SV2C: variants seen among roughly 807,000 people sequenced by gnomAD.
SV2C encodes the protein synaptic vesicle glycoprotein 2C.
SV2C carries 49 observed loss-of-function variants against 79.7 expected under a neutral mutation model. That is an observed-to-expected ratio of 0.61 (90% CI 0.49 to 0.78). SV2C has a LOEUF of 0.78. Among genes scored for constraint, SV2C ranks in the 30% least tolerant of loss-of-function variants. The pLI is 0.00. For missense variants in SV2C, 833 were observed against 912.9 expected (o/e 0.91, Z 1.13); for synonymous variants, 334 against 333.2 (o/e 1.00, Z -0.03).
At chr5:76,177,516 A>G (rs568628955) in intron 2 of SV2C, among the ~76,000 whole-genome samples, 17 of 152,366 alleles carry the variant, frequency 1.1e-4, no homozygotes, top group Admixed American at 2.0e-4. Flanking sequence ...ATACTATAAT[A>G]AAAGTTACCT....
At chr5:76,002,863 G>A in the SV2C span, among the ~76,000 whole-genome samples, 6 of 117,610 alleles carry the variant, frequency 5.1e-5, no homozygotes, top group South Asian at 9.2e-4. Context: ...ACTTCTGTGC[G>A]TGTGTTTTTT....
chr5:76,125,416 T>TAA (rs920751086), intron 1 of SV2C, among the ~76,000 whole-genome samples: 1 of 152,172 alleles, frequency 6.6e-6, no homozygotes, highest in African/African-American at 2.4e-5. Flanking sequence ...CATTAGAATT[T>TAA]AAAGGATTTT....
chr5:76,090,255 A>G (rs908026544), intron 1 of SV2C, among the ~76,000 whole-genome samples: 2 of 152,208 alleles, frequency 1.3e-5, no homozygotes, highest in East Asian at 1.9e-4. Context: ...GTGTTCTGCT[A>G]TCACCTCTTG....
intron 4 of SV2C, among the ~76,000 whole-genome samples, chr5:76,247,621 T>A (rs1449062220): frequency 6.6e-6 from 1 of 152,240 alleles, no homozygotes; most frequent in African/African-American, 2.4e-5. Context: ...CAGGAGCGAA[T>A]ATCAAATGCC....
the SV2C span, among the ~76,000 whole-genome samples, chr5:76,006,661 A>C: frequency 6.6e-6 from 1 of 152,022 alleles, no homozygotes; most frequent in Non-Finnish European, 1.5e-5. Context: ...CCTTACCTCC[A>C]ATTTCCTGGA....
chr5:76,035,804 TG>T, the SV2C span, among the ~76,000 whole-genome samples: 1 of 152,090 alleles, frequency 6.6e-6, no homozygotes, highest in Non-Finnish European at 1.5e-5. Context: ...GTATCCTTGT[TG>T]ACTTTCTGTC....
chr5:76,074,054 T>C, the SV2C span, among the ~76,000 whole-genome samples: 3 of 152,172 alleles, frequency 2.0e-5, no homozygotes, highest in Non-Finnish European at 4.4e-5. Context: ...AGGGCAGAGA[T>C]GGGTCAAACC....
chr5:76,237,686 A>G (rs1050615728), intron 4 of SV2C, among the ~76,000 whole-genome samples: 8 of 152,088 alleles, frequency 5.3e-5, no homozygotes, highest in African/African-American at 1.9e-4. Flanking sequence ...TACTATATTG[A>G]TAGTATGGCT....
At chr5:75,922,192 A>G in the SV2C span, among the ~76,000 whole-genome samples, 1 of 152,156 alleles carries the variant, frequency 6.6e-6, no homozygotes, top group African/African-American at 2.4e-5. Flanking sequence ...GAATTTAAGG[A>G]GGACCAAATA....
the SV2C span, among the ~76,000 whole-genome samples, chr5:75,895,941 A>G: frequency 6.6e-6 from 1 of 152,162 alleles, no homozygotes; most frequent in Non-Finnish European, 1.5e-5. Context: ...TTATAAAGAT[A>G]GAACTGTTAT....
At chr5:76,070,706 C>A in the SV2C span, among the ~76,000 whole-genome samples, 1 of 152,206 alleles carries the variant, frequency 6.6e-6, no homozygotes, top group Non-Finnish European at 1.5e-5. Context: ...ATGAACACTG[C>A]GCTCTATGCT....
At chr5:75,861,015 C>T in the SV2C span, among the ~76,000 whole-genome samples, 6 of 152,204 alleles carry the variant, frequency 3.9e-5, no homozygotes, top group Middle Eastern at 6.8e-3. Flanking sequence ...CTATTCTGGA[C>T]ATTGGCCTTT....
intron 2 of SV2C, among the ~76,000 whole-genome samples, chr5:76,132,870 T>G (rs1347331395): frequency 6.6e-6 from 1 of 152,064 alleles, no homozygotes; most frequent in Non-Finnish European, 1.5e-5. Context: ...TCAACTAGCC[T>G]TATTCGTATA....
chr5:76,009,836 C>T, the SV2C span, among the ~76,000 whole-genome samples: 1 of 151,950 alleles, frequency 6.6e-6, no homozygotes, highest in Admixed American at 6.6e-5. Context: ...ATCATTTGTA[C>T]CCCAAACCTC....
At chr5:76,181,271 T>G (rs1345494732) in intron 2 of SV2C, among the ~76,000 whole-genome samples, 3 of 152,194 alleles carry the variant, frequency 2.0e-5, no homozygotes, top group Non-Finnish European at 4.4e-5. Flanking sequence ...TATGGCTGGT[T>G]CCATGCCGCA....
the SV2C span, among the ~76,000 whole-genome samples, chr5:75,989,654 T>A: frequency 6.6e-6 from 1 of 152,028 alleles, no homozygotes; most frequent in Non-Finnish European, 1.5e-5. Context: ...TATCTAGTAA[T>A]GGGATTGCTG....
At chr5:76,031,711 C>T in the SV2C span, among the ~76,000 whole-genome samples, 1 of 152,068 alleles carries the variant, frequency 6.6e-6, no homozygotes, top group Non-Finnish European at 1.5e-5. Context: ...AACAGGAGGC[C>T]CATTTATTAA....
the SV2C span, among the ~76,000 whole-genome samples, chr5:75,876,232 T>C: frequency 2.8e-4 from 42 of 152,268 alleles, no homozygotes; most frequent in African/African-American, 5.1e-4. Flanking sequence ...TGGAATACTA[T>C]GCAGCCATAA....
the SV2C span, among the ~76,000 whole-genome samples, chr5:75,967,295 A>G: frequency 6.6e-6 from 1 of 152,210 alleles, no homozygotes; most frequent in African/African-American, 2.4e-5. Flanking sequence ...TACCGGGTTC[A>G]TCTCACTGGG....
Sources: gnomAD v4.1 joint callset for allele counts (sites outside exome capture counted in the v4.1 genomes callset) on GRCh38, gnomAD v4.1.1 for gene constraint, MANE v1.5 for transcripts, NCBI Gene and HGNC (gene_info 2026-07-23, HGNC 2026-07-21) for gene names.